NARS2: variants seen among roughly 807,000 people sequenced by gnomAD.
The protein encoded by NARS2 is asparaginyl-tRNA synthetase.
A neutral mutation model predicts 62.9 loss-of-function variants in NARS2; 60 were observed. The ratio of observed to expected loss-of-function variants is 0.95; its 90% confidence interval spans 0.77 to 1.18. NARS2 has a LOEUF of 1.18. NARS2 is among the 50% of genes most tolerant of loss of function. NARS2 has a pLI of 0.00. For synonymous variants in NARS2, 196 were observed against 200.0 expected (o/e 0.98, Z 0.17); for missense variants, 619 against 576.4 (o/e 1.07, Z -0.76).
At chr11:78,482,255 AG>A (rs1291956649) in intron 7 of NARS2, among the ~76,000 whole-genome samples, 2 of 152,226 alleles carry the variant, frequency 1.3e-5, no homozygotes. Flanking sequence ...CAGTGTTAAG[AG>A]GGAAGTTTAT....
At chr11:78,442,080 C>T (rs1168983411) in intron 12 of NARS2, among the ~76,000 whole-genome samples, 3 of 152,164 alleles carry the variant, frequency 2.0e-5, no homozygotes, top group African/African-American at 4.8e-5. Flanking sequence ...TTACGAAAGA[C>T]AGATGTGGCT....
At chr11:78,560,914 G>C (rs2135519284) in intron 4 of NARS2, among the ~76,000 whole-genome samples, 1 of 152,216 alleles carries the variant, frequency 6.6e-6, no homozygotes, top group South Asian at 2.1e-4. Context: ...CATGAACGTA[G>C]GCAACTATGA....
chr11:78,449,734 T>C (rs573414912), intron 11 of NARS2, among the ~76,000 whole-genome samples: 9 of 152,310 alleles, frequency 5.9e-5, no homozygotes, highest in South Asian at 2.1e-4. Flanking sequence ...CTGTGGGATA[T>C]TGAGAAGCAT....
intron 6 of NARS2, among the ~76,000 whole-genome samples, chr11:78,494,474 T>TTC (rs1389126456): frequency 1.3e-5 from 2 of 149,200 alleles, no homozygotes; most frequent in East Asian, 4.1e-4. Context: ...TTTTTCTTTT[T>TTC]TTTTTTTTTT....
At chr11:78,515,460 A>G (rs1219953329) in intron 6 of NARS2, among the ~76,000 whole-genome samples, 1 of 152,154 alleles carries the variant, frequency 6.6e-6, no homozygotes, top group African/African-American at 2.4e-5. Context: ...ATGTTACAAA[A>G]TTAGGTAATG....
chr11:78,527,297 AC>A, intron 6 of NARS2, among the ~76,000 whole-genome samples: 1 of 152,264 alleles, frequency 6.6e-6, no homozygotes, highest in South Asian at 2.1e-4. Flanking sequence ...AAACTTTGAT[AC>A]AAATTCATTT....
intron 4 of NARS2, among the ~76,000 whole-genome samples, chr11:78,562,678 G>A (rs943223697): frequency 5.3e-5 from 8 of 152,168 alleles, no homozygotes; most frequent in Non-Finnish European, 1.2e-4. Flanking sequence ...TCAGAAACTT[G>A]GCTTTACTGA....
chr11:78,463,703 T>C (rs1591152418), intron 11 of NARS2, among the ~76,000 whole-genome samples: 1 of 51,802 alleles, frequency 1.9e-5, no homozygotes, highest in Admixed American at 2.5e-4. Flanking sequence ...AAGACAACTA[T>C]AGTTAAGGTC....
chr11:78,436,457 G>C lies in NARS2; in HGVS notation c.*213C>G. 1.9e-6 allele frequency: 1 copy of C among 530,750 alleles called. No individual in the cohort carries two copies. 32.9% of individuals were successfully genotyped at this position (530,750 alleles called of 1,614,324 possible). A position where few individuals can be genotyped will look rare whatever the true frequency, so the allele number is the denominator to read the frequency against. ...GGATTTGAGAGTCCCCTTGCTATAA[G>C]TACCTCTTCTTGCGGGAGCTCATCC... On this transcript the variant is annotated 3_prime_UTR_variant, in exon 14 of 14. Transcript: ENST00000281038.
intron 7 of NARS2, among the ~76,000 whole-genome samples, chr11:78,491,718 T>A (rs1194372364): frequency 1.3e-5 from 2 of 152,172 alleles, no homozygotes; most frequent in Admixed American, 6.5e-5. Flanking sequence ...GTGACTTTCT[T>A]CCTTTCCTTA....
chr11:78,443,199 G>A (rs946938475), intron 12 of NARS2, among the ~76,000 whole-genome samples: 17 of 151,918 alleles, frequency 1.1e-4, no homozygotes, highest in East Asian at 3.9e-4. Flanking sequence ...GGTGGCGGGC[G>A]CCTGTAGTCC....
rs564624990 is a variant in NARS2, at chr11:78,528,822, G to A, written c.689+20C>T. ...CAAACCATAATATATCAAAGCAAAA[G>A]AGAAAGGAAAATTTCATACCCTGAC... On this transcript the variant is annotated intron_variant, in intron 6 of 13. Transcript: ENST00000281038. 19 of 1,544,962 alleles carry A rather than the reference G, an allele frequency of 1.2e-5. No individual in the cohort carries two copies. The African/African-American group carries it at 1.6e-4, about 13-fold the overall frequency.
chr11:78,546,813 G>A (rs1237401607), intron 5 of NARS2, among the ~76,000 whole-genome samples: 1 of 152,142 alleles, frequency 6.6e-6, no homozygotes, highest in Non-Finnish European at 1.5e-5. Flanking sequence ...CTATAAACAA[G>A]GATCATACAC....
At chr11:78,548,576 T>C (rs1406042538) in intron 5 of NARS2, among the ~76,000 whole-genome samples, 2 of 152,240 alleles carry the variant, frequency 1.3e-5, no homozygotes, top group Non-Finnish European at 2.9e-5. Context: ...TTACCTATTT[T>C]GGATTAGCAA....
chr11:78,554,724 T>A (rs763667402), intron 5 of NARS2, among the ~76,000 whole-genome samples: 7 of 152,186 alleles, frequency 4.6e-5, no homozygotes, highest in Non-Finnish European at 7.3e-5. Context: ...CAAACAGACA[T>A]AGTTTGACTT....
chr11:78,437,764 C>T (rs2135126909), intron 13 of NARS2, among the ~76,000 whole-genome samples: 1 of 152,096 alleles, frequency 6.6e-6, no homozygotes, highest in South Asian at 2.1e-4. Context: ...ATCACTAGCT[C>T]AGGAGTTCAA....
At chr11:78,456,456 A>G (rs987761860) in intron 11 of NARS2, among the ~76,000 whole-genome samples, 1 of 152,196 alleles carries the variant, frequency 6.6e-6, no homozygotes, top group African/African-American at 2.4e-5. Flanking sequence ...AGATATGGGG[A>G]AAATTGGCAA....
chr11:78,500,153 G>A (rs1860229702), intron 6 of NARS2, among the ~76,000 whole-genome samples: 2 of 152,114 alleles, frequency 1.3e-5, no homozygotes, highest in African/African-American at 4.8e-5. Context: ...ACAATTTCCT[G>A]GACTCAAGTC....
intron 7 of NARS2, among the ~76,000 whole-genome samples, chr11:78,482,507 A>T (rs1395219730): frequency 6.6e-6 from 1 of 152,130 alleles, no homozygotes; most frequent in Non-Finnish European, 1.5e-5. Context: ...TAGACTAATA[A>T]AGAAGAAAAG....
Sources: allele counts gnomAD v4.1 joint callset (sites outside exome capture counted in the v4.1 genomes callset), GRCh38; gene constraint gnomAD v4.1.1; transcripts MANE v1.5; gene names NCBI Gene and HGNC (gene_info 2026-07-23, HGNC 2026-07-21).